Variants in BTBD9 observed in about 807,000 individuals in gnomAD.
BTBD9 encodes BTB/POZ domain-containing protein 9.
In BTBD9, 49 loss-of-function variants were observed where a neutral mutation model predicts 64.3. The observed-to-expected ratio is 0.76, with a 90% CI of 0.61 to 0.97. The LOEUF (loss-of-function observed/expected upper bound fraction) is 0.97, where lower values mean the gene tolerates loss of function less well. Among genes scored for constraint, BTBD9 ranks in the 50% least tolerant of loss-of-function variants. BTBD9 has a pLI of 0.00. For missense variants in BTBD9, 598 were observed against 762.1 expected (o/e 0.78, Z 2.53); for synonymous variants, 260 against 274.7 (o/e 0.95, Z 0.53).
chr6:38,468,685 A>C (rs961210932), intron 6 of BTBD9, among the ~76,000 whole-genome samples: 3 of 152,246 alleles, frequency 2.0e-5, no homozygotes, highest in Admixed American at 6.5e-5. Context: ...ATAGTCCTTT[A>C]AAATTCAACT....
intron 7 of BTBD9, among the ~76,000 whole-genome samples, chr6:38,327,265 C>T (rs1054526366): frequency 6.6e-6 from 1 of 152,156 alleles, no homozygotes; most frequent in Non-Finnish European, 1.5e-5. Flanking sequence ...AAAGAGATTG[C>T]TGTGGCCCAG....
intron 6 of BTBD9, among the ~76,000 whole-genome samples, chr6:38,362,433 A>T (rs1278112407): frequency 1.3e-5 from 2 of 152,358 alleles, no homozygotes; most frequent in East Asian, 3.9e-4. Context: ...AAATGAATGA[A>T]TCAATGTGGG....
Position 38,322,141 on chromosome 6 carries a change from G to C in BTBD9, c.1264+22843C>G, listed in dbSNP as rs58798415. On this transcript the variant is annotated intron_variant, in intron 7 of 10. Coordinates refer to ENST00000481247, the MANE Select transcript of BTBD9 (RefSeq NM_001099272.2). ...TTTAGGATCCTCAGCTGTTAAGTCA[G>C]TCAGTGCAGCAAAATCAGCATTCTG... Among the ~76,000 whole-genome samples, 805 of 152,152 alleles carry C rather than the reference G, an allele frequency of 5.3e-3. 6 individuals carry two copies. The highest frequency in any genetic ancestry group is 0.018 in the African/African-American group (747 of 41,490).
chr6:38,447,406 A>G (rs1236925295), intron 6 of BTBD9, among the ~76,000 whole-genome samples: 2 of 152,240 alleles, frequency 1.3e-5, no homozygotes, highest in African/African-American at 2.4e-5. Flanking sequence ...ATAATTCAGC[A>G]AAGTCAAAAA....
intron 2 of BTBD9, 61 bp from the exon 3 acceptor site, chr6:38,594,388 G>C: frequency 1.3e-6 from 2 of 1,493,734 alleles, no homozygotes; most frequent in Non-Finnish European, 1.8e-6. Context: ...ACAAAATATT[G>C]GAAATAACAG....
intron 8 of BTBD9, among the ~76,000 whole-genome samples, chr6:38,258,965 T>TAC: frequency 6.6e-6 from 1 of 152,374 alleles, no homozygotes; most frequent in East Asian, 1.9e-4. Flanking sequence ...AACTGTGTAT[T>TAC]AGGCCCTATG....
chr6:38,379,175 C>T (rs1765823434), intron 6 of BTBD9, among the ~76,000 whole-genome samples: 1 of 152,154 alleles, frequency 6.6e-6, no homozygotes, highest in Non-Finnish European at 1.5e-5. Context: ...GGGGTCTGAA[C>T]AGGGAGAGAT....
In BTBD9 at chr6:38,504,210, C is replaced by T. The variant is rs79548267; in HGVS notation, c.1154+73390G>A. On this transcript the variant is annotated intron_variant, in intron 6 of 10. Transcript: ENST00000481247. ...GGGCACAAACCCAAGTAACTGCATA[C>T]GGCTAGAGAAAAATCACACAATTGG... Among the ~76,000 whole-genome samples, 1,111 of 152,262 alleles carry T rather than the reference C, an allele frequency of 7.3e-3. 8 individuals carry two copies. Among genetic ancestry groups the T allele is most frequent in the South Asian group, 0.016 (76 of 4,820 alleles).
At chr6:38,609,536 T>C (rs1777541621) in intron 1 of BTBD9, among the ~76,000 whole-genome samples, 2 of 152,190 alleles carry the variant, frequency 1.3e-5, no homozygotes, top group Non-Finnish European at 2.9e-5. Flanking sequence ...TACATACACT[T>C]CACCTACAGT....
At chr6:38,212,545 G>GA (rs931575447) in intron 9 of BTBD9, among the ~76,000 whole-genome samples, 6 of 152,144 alleles carry the variant, frequency 3.9e-5, no homozygotes, top group African/African-American at 1.4e-4. Context: ...AAATTTGCCT[G>GA]AAAAATAACA....
chr6:38,374,147 T>C (rs1408221107), intron 6 of BTBD9, among the ~76,000 whole-genome samples: 1 of 150,018 alleles, frequency 6.7e-6, no homozygotes, highest in African/African-American at 2.5e-5. Context: ...CACACGCTTG[T>C]AATCCCAGTT....
In BTBD9 at chr6:38,489,693, T is replaced by G. The variant is rs540707538; in HGVS notation, c.1154+87907A>C. 8.5e-5 allele frequency among the ~76,000 whole-genome samples: 13 copies of G among 152,332 alleles called. No individual in the cohort carries two copies. The South Asian group carries it at 2.7e-3, about 32-fold the overall frequency. ...AGCATTATTCAAAATATTTTTCCAT[T>G]TGATAAGCATGAAATGGTTTCTCTT... On this transcript the variant is annotated intron_variant, in intron 6 of 10. Coordinates refer to ENST00000481247, the MANE Select transcript of BTBD9 (RefSeq NM_001099272.2).
chr6:38,230,022 T>C (rs1763541921), intron 9 of BTBD9, among the ~76,000 whole-genome samples: 1 of 152,196 alleles, frequency 6.6e-6, no homozygotes, highest in Non-Finnish European at 1.5e-5. Context: ...CGCCAGTCCA[T>C]TCTACCAGCA....
At chr6:38,521,047 A>G (rs1773250434) in intron 6 of BTBD9, among the ~76,000 whole-genome samples, 1 of 151,952 alleles carries the variant, frequency 6.6e-6, no homozygotes, top group African/African-American at 2.4e-5. Flanking sequence ...TCTGCCATTC[A>G]TTTCCCAGGG....
chr6:38,300,698 C>T (rs948402055), intron 7 of BTBD9, among the ~76,000 whole-genome samples: 3 of 152,230 alleles, frequency 2.0e-5, no homozygotes, highest in African/African-American at 7.2e-5. Context: ...GTGATTTTTG[C>T]ACATTGATTT....
rs540198473 is a variant in BTBD9 at position 38,423,032 on chromosome 6, A to T, written c.1155-77939T>A. On this transcript the variant is annotated intron_variant, in intron 6 of 10. Coordinates refer to ENST00000481247, the MANE Select transcript of BTBD9 (RefSeq NM_001099272.2). The stretch of plus-strand genomic sequence containing the variant: ...ATAATCCCAGCACTTTGGGAGGCTG[A>T]GGTGGGCAGATCACATGTGGCCAGG... Among the ~76,000 whole-genome samples the T allele has an allele frequency of 7.2e-5, 11 of 152,228 alleles. No individual in the cohort carries two copies. The South Asian group carries it at 1.2e-3, about 17-fold the overall frequency.
chr6:38,345,030 T>C lies in BTBD9; in HGVS notation c.1218A>G (p.Glu406=). Residue 406 remains glutamate, a synonymous_variant, in exon 7 of 11, where the codon GAA becomes GAG. Transcript: ENST00000481247. ...VNKIFHIVAF[E]CMFTNKTFTL... ...TGAAGGTTTTGTTTGTAAACATACATTCAAAAGCCACAATGTGAAAAATCT... is the reference window on the plus strand; with the variant it reads ...TGAAGGTTTTGTTTGTAAACATACACTCAAAAGCCACAATGTGAAAAATCT... 2 of 1,610,822 alleles carry C rather than the reference T, an allele frequency of 1.2e-6. No homozygotes were observed. Among genetic ancestry groups the C allele is most frequent in the South Asian group, 2.2e-5 (2 of 90,800 alleles).
intron 8 of BTBD9, among the ~76,000 whole-genome samples, chr6:38,261,014 AC>A (rs1001153364): frequency 1.3e-5 from 2 of 152,036 alleles, no homozygotes; most frequent in African/African-American, 4.8e-5. Context: ...ATCATAGCTC[AC>A]TGCAGCCTCA....
chr6:38,588,365 C>A, intron 4 of BTBD9: 3 of 858,624 alleles, frequency 3.5e-6, no homozygotes, highest in South Asian at 1.4e-5. Context: ...GTGGCCCCTG[C>A]CTCTCAACCT....
Sources: gnomAD v4.1 joint callset for allele counts (sites outside exome capture counted in the v4.1 genomes callset) on GRCh38, gnomAD v4.1.1 for gene constraint, MANE v1.5 for transcripts, NCBI Gene and HGNC (gene_info 2026-07-23, HGNC 2026-07-21) for gene names.